The following MCTP2 variants were observed in gnomAD, a reference collection of about 807,000 sequenced individuals.
MCTP2 encodes the protein multiple C2 and transmembrane domain containing 2, also known as multiple C2 and transmembrane domain-containing protein 2.
In MCTP2, 132 loss-of-function variants were observed where a neutral mutation model predicts 111.6. The ratio of observed to expected loss-of-function variants is 1.18; its 90% CI spans 1.03 to 1.37. MCTP2 has a LOEUF of 1.37. Ranked by LOEUF, MCTP2 falls within the 40% of genes most tolerant of loss-of-function variation. MCTP2 has a pLI of 0.00. For missense variants in MCTP2, 1,183 were observed against 1,067.9 expected (o/e 1.11, Z -1.50); for synonymous variants, 395 against 387.7 (o/e 1.02, Z -0.22).
chr15:94,297,338 A>G (rs2075320631), intron 1 of MCTP2, among the ~76,000 whole-genome samples: 1 of 152,186 alleles, frequency 6.6e-6, no homozygotes, highest in Non-Finnish European at 1.5e-5. Flanking sequence ...TATCCCTCAT[A>G]ACCAACTGCT....
chr15:94,390,066 A>ACATATATATATATATATATGTG (rs1567602037), intron 14 of MCTP2, among the ~76,000 whole-genome samples: 2 of 12,034 alleles, frequency 1.7e-4, no homozygotes, highest in African/African-American at 3.5e-4. Context: ...ATATATATAT[A>ACATATATATATATATATATGTG]TATATATATA....
chr15:94,250,394 G>A (rs2072326196), intron 1 of MCTP2, among the ~76,000 whole-genome samples: 1 of 152,168 alleles, frequency 6.6e-6, no homozygotes, highest in African/African-American at 2.4e-5. Context: ...TGCTGATGGA[G>A]TAATTTAAAA....
chr15:94,355,408 A>G (rs1435459855), intron 8 of MCTP2, among the ~76,000 whole-genome samples: 1 of 152,130 alleles, frequency 6.6e-6, no homozygotes, highest in African/African-American at 2.4e-5. Flanking sequence ...AAGTGTGACT[A>G]CTCTATTTAC....
chr15:94,434,887 TTTTG>T (rs3068714), intron 17 of MCTP2, among the ~76,000 whole-genome samples: 60,337 of 148,374 alleles, frequency 0.41, 12,342 homozygotes, highest in African/African-American at 0.45. Flanking sequence ...TTTGATGCAG[TTTTG>T]TTTGCTCCTT....
intron 1 of MCTP2, chr15:94,292,852 A>G (rs1170963200): frequency 6.6e-6 from 1 of 152,220 alleles, no homozygotes; most frequent in East Asian, 1.9e-4. Flanking sequence ...ATCCTTCAGC[A>G]ATCAAAATGG....
intron 4 of MCTP2, among the ~76,000 whole-genome samples, chr15:94,324,692 AAGG>A (rs2076780030): frequency 6.6e-6 from 1 of 152,192 alleles, no homozygotes; most frequent in African/African-American, 2.4e-5. Flanking sequence ...TCATATTTAA[AAGG>A]AGTAGTTCAG....
chr15:94,244,765 TTC>T (rs2071626116), intron 1 of MCTP2, among the ~76,000 whole-genome samples: 1 of 149,592 alleles, frequency 6.7e-6, no homozygotes, highest in African/African-American at 2.5e-5. Flanking sequence ...TATGTTTATA[TTC>T]GTATATGTAT....
intron 20 of MCTP2, among the ~76,000 whole-genome samples, chr15:94,467,807 A>T (rs977273888): frequency 7.9e-5 from 12 of 152,248 alleles, no homozygotes; most frequent in Non-Finnish European, 1.8e-4. Context: ...ATATTGTAAA[A>T]TTGCCCTCCA....
chr15:94,332,031 A>T (rs1283582509), intron 4 of MCTP2, among the ~76,000 whole-genome samples: 1 of 152,162 alleles, frequency 6.6e-6, no homozygotes, highest in Non-Finnish European at 1.5e-5. Context: ...GGTGGATAAA[A>T]CCACTGGCTT....
At chr15:94,314,756 A>G (rs1427939285) in intron 3 of MCTP2, 1 of 459,810 alleles carries the variant, frequency 2.2e-6, no homozygotes, top group East Asian at 6.9e-5. Flanking sequence ...TGACTCAAAA[A>G]TTTAATTGGG....
intron 8 of MCTP2, among the ~76,000 whole-genome samples, chr15:94,349,749 G>A (rs2078197427): frequency 6.6e-6 from 1 of 151,480 alleles, no homozygotes; most frequent in Non-Finnish European, 1.5e-5. Flanking sequence ...GAACCTGGGA[G>A]GTGGAGCTTG....
intron 20 of MCTP2, among the ~76,000 whole-genome samples, chr15:94,460,353 T>C (rs568370593): frequency 6.6e-6 from 1 of 152,204 alleles, no homozygotes; most frequent in East Asian, 1.9e-4. Context: ...CCCAAGACTA[T>C]GTGGGAGATA....
Position 94,382,856 on chromosome 15 carries a change from T to C in MCTP2, c.1583-1166T>C, listed in dbSNP as rs1326082571. 2.6e-5 allele frequency among the ~76,000 whole-genome samples: 4 copies of C among 152,268 alleles called. No individual in the cohort carries two copies. The East Asian group carries it at 7.7e-4, about 29-fold the overall frequency. Reference sequence around the variant, plus strand: ...CAATGCGTTAATGTCCTACGGACATTACGGAGCCATTCGTTCTTTCCCTGA... The same window carrying C: ...CAATGCGTTAATGTCCTACGGACATCACGGAGCCATTCGTTCTTTCCCTGA... On this transcript the variant is annotated intron_variant, in intron 12 of 22. Transcript: ENST00000357742.
intron 17 of MCTP2, among the ~76,000 whole-genome samples, chr15:94,412,222 A>G (rs2082183812): frequency 6.6e-6 from 1 of 152,122 alleles, no homozygotes; most frequent in Non-Finnish European, 1.5e-5. Context: ...TTGTATAGTC[A>G]TAAACTTTGA....
intron 1 of MCTP2, among the ~76,000 whole-genome samples, chr15:94,286,405 A>G (rs1422627329): frequency 6.6e-6 from 1 of 152,136 alleles, no homozygotes; most frequent in Non-Finnish European, 1.5e-5. Context: ...TCGACTGGTA[A>G]GAAAAACAAA....
chr15:94,474,122 G>A (rs992445888), intron 21 of MCTP2, among the ~76,000 whole-genome samples: 10 of 152,044 alleles, frequency 6.6e-5, no homozygotes, highest in South Asian at 4.2e-4. Flanking sequence ...TTCGCTAAAA[G>A]TAATTTTACA....
intron 19 of MCTP2, among the ~76,000 whole-genome samples, chr15:94,457,536 C>T (rs1339765311): frequency 1.3e-5 from 2 of 152,180 alleles, no homozygotes; most frequent in Admixed American, 6.5e-5. Flanking sequence ...GGGTAGGCTG[C>T]CCTCCCAGCA....
Position 94,480,366 on chromosome 15 carries a change from C to A in MCTP2, c.*1332C>A, listed in dbSNP as rs1223678883. 1.3e-5 allele frequency: 2 copies of A among 150,450 alleles called. No homozygotes were observed. Among genetic ancestry groups the A allele is most frequent in the Non-Finnish European group, 3.0e-5 (2 of 67,754 alleles). 9.3% of individuals were successfully genotyped at this position (150,450 alleles called of 1,614,324 possible). A position where few individuals can be genotyped will look rare whatever the true frequency, so the allele number is the denominator to read the frequency against. On this transcript the variant is annotated 3_prime_UTR_variant, in exon 23 of 23. Transcript: ENST00000357742. Reference sequence around the variant, plus strand: ...GGGTTGTAATTTAATAATCTTCAAACAAAATGTTTACGAAAAATGCCAAAG... The same window carrying A: ...GGGTTGTAATTTAATAATCTTCAAAAAAAATGTTTACGAAAAATGCCAAAG...
chr15:94,428,688 C>T (rs1049849804), intron 17 of MCTP2, among the ~76,000 whole-genome samples: 8 of 152,014 alleles, frequency 5.3e-5, no homozygotes, highest in African/African-American at 1.9e-4. Context: ...TATCTATAAC[C>T]TTGTTTCTGT....
Sources: allele counts gnomAD v4.1 joint callset (sites outside exome capture counted in the v4.1 genomes callset), GRCh38; gene constraint gnomAD v4.1.1; transcripts MANE v1.5; gene names NCBI Gene and HGNC (gene_info 2026-07-23, HGNC 2026-07-21).